The following B2M variants were observed in gnomAD, a reference collection of about 807,000 sequenced individuals.
B2M encodes beta-2-microglobulin.
B2M carries 3 observed loss-of-function variants against 14.5 expected under a neutral mutation model. The ratio of observed to expected loss-of-function variants is 0.21; its 90% CI spans 0.09 to 0.53. The LOEUF (loss-of-function observed/expected upper bound fraction) is 0.53. B2M is among the 20% of genes least tolerant of loss of function. The pLI is 0.95. For synonymous variants in B2M, 45 were observed against 52.7 expected, an observed-to-expected ratio of 0.85 and a Z score of 0.64; for missense variants, 107 against 140.8, an observed-to-expected ratio of 0.76 and a Z score of 1.21.
chr15:44,716,278 A>G (rs1303784894), intron 2 of B2M, 51 bp from the exon 3 acceptor site: 1 of 1,578,698 alleles, frequency 6.3e-7, no homozygotes, highest in Non-Finnish European at 8.7e-7. Flanking sequence ...ATGGTATTTT[A>G]AAAGTAAAAC....
In B2M at chr15:44,711,554, G is replaced by A. The variant is rs1046534954; in HGVS notation, c.8G>A (p.Arg3His). 16 of 1,613,646 alleles carry A rather than the reference G, an allele frequency of 9.9e-6. No individual in the cohort carries two copies. Among genetic ancestry groups the A allele is most frequent in the Non-Finnish European group, 1.3e-5 (15 of 1,179,996 alleles). The change falls in exon 1 of 4, where the codon CGC (arginine) becomes CAC (histidine). Residue 3 changes from arginine (R) to histidine (H), a missense_variant. Coordinates refer to ENST00000648006, the MANE Select transcript of B2M (RefSeq NM_004048.4). MS[R>H]SVALAVLALL... ...GACAGCATTCGGGCCGAGATGTCTC[G>A]CTCCGTGGCCTTAGCTGTGCTCGCG...
In B2M at chr15:44,718,007, T is replaced by C. The variant is rs1042496468; in HGVS notation, c.*415T>C. 2.0e-5 allele frequency: 3 copies of C among 152,242 alleles called. No individual in the cohort carries two copies. The highest frequency in any genetic ancestry group is 7.2e-5 in the African/African-American group (3 of 41,454). 9.4% of individuals were successfully genotyped at this position (152,242 alleles called of 1,614,324 possible). On this transcript the variant is annotated 3_prime_UTR_variant, in exon 4 of 4. Transcript: ENST00000648006. ...TTAGAAATATAATTGACAGGATTAT[T>C]GGAAATTTGTTATAATGAATGAAAC... is the stretch of plus-strand genomic sequence containing the variant.
chr15:44,715,681 A>G lies in B2M; in HGVS notation c.326A>G (p.Gln109Arg). 1 of 1,614,258 alleles carries G rather than the reference A, an allele frequency of 6.2e-7. No homozygotes were observed. Among genetic ancestry groups the G allele is most frequent in the South Asian group, 1.1e-5 (1 of 91,088 alleles). Residue 109 changes from glutamine (Q) to arginine (R), a missense_variant, in exon 2 of 4, where the codon CAG becomes CGG. Coordinates refer to ENST00000648006, the MANE Select transcript of B2M (RefSeq NM_004048.4). ...CGTGTGAACCATGTGACTTTGTCAC[A>G]GCCCAAGATAGTTAAGTGGGGTAAG... is the stretch of plus-strand genomic sequence containing the variant. Reference protein sequence around the residue: ...ACRVNHVTLSQPKIVKWDRDM With the variant: ...ACRVNHVTLSRPKIVKWDRDM
chr15:44,715,186 A>G, intron 1 of B2M: 2 of 589,384 alleles, frequency 3.4e-6, no homozygotes, highest in South Asian at 2.0e-5. Flanking sequence ...CTAGAAAAAA[A>G]ACAAAAAAGG....
rs111947448 is a variant in B2M, at chr15:44,715,422, G to T, written c.68-1G>T. 1 of 1,613,400 alleles carries T rather than the reference G, an allele frequency of 6.2e-7. No homozygotes were observed. The highest frequency in any genetic ancestry group is 8.5e-7 in the Non-Finnish European group (1 of 1,179,912). ...ATGTGTCTTTTCCCGATATTCCTCAGGTACTCCAAAGATTCAGGTTTACTC... is the reference window on the plus strand; with the variant it reads ...ATGTGTCTTTTCCCGATATTCCTCATGTACTCCAAAGATTCAGGTTTACTC... On this transcript the variant is annotated splice_acceptor_variant, in intron 1 of 3. Coordinates refer to ENST00000648006, the MANE Select transcript of B2M (RefSeq NM_004048.4). LOFTEE classifies it high-confidence loss of function.
At chr15:44,711,951 G>A (rs2086876466) in intron 1 of B2M, 1 of 474,270 alleles carries the variant, frequency 2.1e-6, no homozygotes, top group Admixed American at 3.3e-5. Flanking sequence ...CTCTTTCGCG[G>A]GGCCTCTGGC....
chr15:44,716,631 C>T, intron 3 of B2M: 1 of 515,994 alleles, frequency 1.9e-6, no homozygotes, highest in Non-Finnish European at 3.5e-6. Context: ...TGGTTACCCA[C>T]ATTACCTGCA....
chr15:44,715,633 C>A lies in B2M; in HGVS notation c.278C>A (p.Thr93Asn), dbSNP rs778103494. 1.3e-5 allele frequency: 21 copies of A among 1,614,078 alleles called. No individual in the cohort carries two copies. Among genetic ancestry groups the A allele is most frequent in the Admixed American group, 6.7e-5 (4 of 60,012 alleles). ...TTGTACTACACTGAATTCACCCCCA[C>A]TGAAAAAGATGAGTATGCCTGCCGT... ...YLLYYTEFTP[T>N]EKDEYACRVN... Residue 93 changes from threonine to asparagine, a missense_variant, in exon 2 of 4, where the codon ACT becomes AAT. Coordinates refer to ENST00000648006, the MANE Select transcript of B2M (RefSeq NM_004048.4).
chr15:44,716,177 G>C, intron 2 of B2M, 152 bp from the exon 3 acceptor site: 1 of 862,046 alleles, frequency 1.2e-6, no homozygotes. Flanking sequence ...GCTTGTTCCT[G>C]CTGGGTAGCT....
chr15:44,715,656 C>A lies in B2M; in HGVS notation c.301C>A (p.Arg101Ser), dbSNP rs754841675. The A allele has an allele frequency of 1.2e-5, 20 of 1,613,996 alleles. No individual in the cohort carries two copies. Among genetic ancestry groups the A allele is most frequent in the Non-Finnish European group, 1.6e-5 (19 of 1,180,032 alleles). ...TPTEKDEYAC[R>S]VNHVTLSQPK... The stretch of plus-strand genomic sequence containing the variant: ...CACTGAAAAAGATGAGTATGCCTGC[C>A]GTGTGAACCATGTGACTTTGTCACA... The change falls in exon 2 of 4, where the codon CGT becomes AGT. Residue 101 changes from arginine to serine, a missense_variant. Physicochemically the swap from Arg to Ser is moderately radical, Grantham distance 110. Transcript: ENST00000648006.
chr15:44,713,625 A>G (rs2086911343), intron 1 of B2M: 1 of 152,238 alleles, frequency 6.6e-6, no homozygotes, highest in Admixed American at 6.5e-5. Context: ...CTTCTTAGAA[A>G]AGATTACAGT....
chr15:44,715,748 A>G (rs2086934229), intron 2 of B2M, 47 bp downstream of exon 2: 2 of 1,608,304 alleles, frequency 1.2e-6, no homozygotes, highest in African/African-American at 1.3e-5. Context: ...GTGTATGAGT[A>G]GTCATATCAT....
chr15:44,716,454 T>C (rs894205131), intron 3 of B2M, 98 bp downstream of exon 3: 1 of 1,262,470 alleles, frequency 7.9e-7, no homozygotes, highest in African/African-American at 1.5e-5. Context: ...TGGAGAACAT[T>C]GACAGAGTAA....
At chr15:44,715,190 A>G (rs1342032362) in intron 1 of B2M, 11 of 594,600 alleles carry the variant, frequency 1.8e-5, no homozygotes, top group Admixed American at 6.0e-5. Context: ...AAAAAAAACA[A>G]AAAAGGCATG....
intron 1 of B2M, chr15:44,712,696 T>C (rs1368190236): frequency 6.6e-6 from 1 of 152,342 alleles, no homozygotes; most frequent in East Asian, 1.9e-4. Context: ...CCTCTTACTT[T>C]CGGTTTTGAA....
intron 1 of B2M, chr15:44,714,784 C>G (rs1467456499): frequency 6.5e-6 from 1 of 154,676 alleles, no homozygotes; most frequent in African/African-American, 2.4e-5. Context: ...TTGGGTTGAT[C>G]CACTTAGGAA....
chr15:44,715,029 G>A (rs2086926067), intron 1 of B2M: 1 of 292,118 alleles, frequency 3.4e-6, no homozygotes, highest in African/African-American at 2.2e-5. Flanking sequence ...AAAGTATCTT[G>A]GGGCCAAATC....
chr15:44,717,490 C>G (rs2086956554), intron 3 of B2M, 117 bp from the exon 4 acceptor site: 1 of 121,098 alleles, frequency 8.3e-6, no homozygotes, highest in Non-Finnish European at 1.8e-5. Flanking sequence ...GGAGAACTGT[C>G]TGCAGCTACT....
intron 1 of B2M, among the ~76,000 whole-genome samples, chr15:44,712,350 G>C (rs550390713): frequency 6.6e-6 from 1 of 152,128 alleles, no homozygotes; most frequent in African/African-American, 2.4e-5. Flanking sequence ...TGTGCTTTGC[G>C]TCATTTAATT....
Sources: allele counts gnomAD v4.1 joint callset (sites outside exome capture counted in the v4.1 genomes callset), GRCh38; gene constraint gnomAD v4.1.1; transcripts MANE v1.5; gene names NCBI Gene and HGNC (gene_info 2026-07-23, HGNC 2026-07-21).